The following ZC3H18 variants were observed in gnomAD, a reference collection of about 807,000 sequenced individuals.
ZC3H18 encodes the protein zinc finger CCCH-type containing 18, also known as zinc finger CCCH domain-containing protein 18.
ZC3H18 carries 8 observed loss-of-function variants against 106.1 expected under a neutral mutation model. The observed-to-expected ratio is 0.08, with a 90% CI of 0.04 to 0.14. The LOEUF (loss-of-function observed/expected upper bound fraction) is 0.14. Ranked by LOEUF, ZC3H18 falls within the 10% of genes least tolerant of loss-of-function variation. ZC3H18 has a pLI of 1.00. For synonymous variants in ZC3H18, 635 were observed against 522.1 expected (o/e 1.22, Z -2.95); for missense variants, 1,318 against 1,278.4 (o/e 1.03, Z -0.47).
At chr16:88,577,049 A>G (rs936621) in intron 1 of ZC3H18, 61 bp from the exon 2 acceptor site, 1,337,672 of 1,489,100 alleles carry the variant, frequency 0.9, 602,023 homozygotes, top group Admixed American at 0.94. Context: ...CCAGGAAAGT[A>G]GGGACAAGGT....
chr16:88,578,694 A>G (rs570896280), intron 2 of ZC3H18, among the ~76,000 whole-genome samples: 1 of 151,904 alleles, frequency 6.6e-6, no homozygotes, highest in Non-Finnish European at 1.5e-5. Flanking sequence ...CTTGAATGCC[A>G]TGCTCCTTTT....
chr16:88,572,225 C>T (rs1914452245), intron 1 of ZC3H18, among the ~76,000 whole-genome samples: 1 of 152,260 alleles, frequency 6.6e-6, no homozygotes, highest in Non-Finnish European at 1.5e-5. Flanking sequence ...CCCAAACGCT[C>T]TGCATTTCAG....
intron 3 of ZC3H18, among the ~76,000 whole-genome samples, chr16:88,595,271 A>C (rs543459802): frequency 1.3e-5 from 2 of 152,264 alleles, no homozygotes; most frequent in South Asian, 4.1e-4. Flanking sequence ...TCAGCAGTGG[A>C]GGGGCCGCCT....
At chr16:88,613,248 C>G (rs986412614) in intron 8 of ZC3H18, among the ~76,000 whole-genome samples, 1 of 152,232 alleles carries the variant, frequency 6.6e-6, no homozygotes, top group Non-Finnish European at 1.5e-5. Context: ...TTGCATTTCT[C>G]TGTTCGTCTG....
chr16:88,592,191 GT>G (rs929692815), intron 3 of ZC3H18, among the ~76,000 whole-genome samples: 4 of 151,596 alleles, frequency 2.6e-5, no homozygotes, highest in Admixed American at 2.6e-4. Flanking sequence ...TCTGTTCTCT[GT>G]TTTTTTTTGA....
chr16:88,613,960 G>A (rs765098409), intron 8 of ZC3H18, among the ~76,000 whole-genome samples: 19 of 152,234 alleles, frequency 1.2e-4, no homozygotes, highest in Non-Finnish European at 2.4e-4. Context: ...ATGAGAGCAT[G>A]AACGTTGCTC....
rs530203060 is a variant in ZC3H18, at chr16:88,623,161, G to A, written c.1668-58G>A. 2.6e-5 allele frequency: 42 copies of A among 1,586,014 alleles called. 2 individuals carry two copies. The highest frequency in any genetic ancestry group is 1.9e-4 in the African/African-American group (14 of 74,420). On this transcript the variant is annotated intron_variant, in intron 9 of 17. Transcript: ENST00000301011. ...TAGCTGTGCATGTGTGCGTCAGGGC[G>A]TGTGGGGCAGGGAGGGCCCTTCTCA... is the stretch of plus-strand genomic sequence containing the variant.
At chr16:88,572,688 C>T (rs188048884) in intron 1 of ZC3H18, among the ~76,000 whole-genome samples, 1 of 152,038 alleles carries the variant, frequency 6.6e-6, no homozygotes, top group Non-Finnish European at 1.5e-5. Flanking sequence ...TGAGACTCTT[C>T]TACTGACACC....
intron 15 of ZC3H18, 84 bp downstream of exon 15, chr16:88,628,203 A>C: frequency 6.6e-7 from 1 of 1,512,392 alleles, no homozygotes. Flanking sequence ...CTCCTGGGGG[A>C]CGGAGCCTGA....
At position 88,586,703 on chromosome 16, in the gene ZC3H18, GGCCTTCTCGCAGCCA is replaced by G. The variant is rs770214004; in HGVS notation, c.688+22_688+36del. ...ATGAAAGGTAATTGTCTGCGTGTGA[GGCCTTCTCGCAGCCA>G]GCTGGGGCCCCACCTTCTGGGGCTG... On this transcript the variant is annotated intron_variant, in intron 3 of 17. Coordinates refer to ENST00000301011, the MANE Select transcript of ZC3H18 (RefSeq NM_144604.4). The G allele has an allele frequency of 6.2e-7, 1 of 1,611,908 alleles. No homozygotes were observed. The highest frequency in any genetic ancestry group is 8.5e-7 in the Non-Finnish European group (1 of 1,178,140).
At chr16:88,580,250 G>T (rs1248988232) in intron 2 of ZC3H18, among the ~76,000 whole-genome samples, 4 of 149,034 alleles carry the variant, frequency 2.7e-5, no homozygotes, top group South Asian at 2.2e-4. Context: ...CTATTCCCAA[G>T]AACATGTTTC....
rs1271071284 is a variant in ZC3H18, at chr16:88,587,683, TCTC to T, written c.688+1002_688+1004del. 8 of 1,397,840 alleles carry T rather than the reference TCTC, an allele frequency of 5.7e-6. No individual in the cohort carries two copies. In the East Asian group the frequency reaches 1.7e-4, roughly 30 times the overall value. The allele number at this position is 1,397,840 out of a possible 1,614,324, so 86.6% of individuals were successfully genotyped here. On this transcript the variant is annotated intron_variant, in intron 3 of 17. Coordinates refer to ENST00000301011, the MANE Select transcript of ZC3H18 (RefSeq NM_144604.4). ...CCCTACTCCAGAGGCCAGACTTCCT[TCTC>T]CTGGATCCAGAACACAGCTGTGAAG...
intron 8 of ZC3H18, 113 bp from the exon 9 acceptor site, chr16:88,622,084 G>T: frequency 3.9e-6 from 5 of 1,272,278 alleles, no homozygotes; most frequent in Non-Finnish European, 5.3e-6. Context: ...TTTCTCAGGT[G>T]ATCCTTAAAT....
chr16:88,576,268 C>T (rs1000862740), intron 1 of ZC3H18, among the ~76,000 whole-genome samples: 1 of 152,052 alleles, frequency 6.6e-6, no homozygotes, highest in African/African-American at 2.4e-5. Context: ...TCTCGAACTG[C>T]TGGGCTCAAA....
chr16:88,619,097 A>G (rs1905799700), intron 8 of ZC3H18, among the ~76,000 whole-genome samples: 1 of 152,182 alleles, frequency 6.6e-6, no homozygotes, highest in Non-Finnish European at 1.5e-5. Context: ...GTAGAAAGCC[A>G]GTGCTCAGCC....
At chr16:88,617,978 G>C (rs1336863944) in intron 8 of ZC3H18, among the ~76,000 whole-genome samples, 1 of 152,256 alleles carries the variant, frequency 6.6e-6, no homozygotes, top group Non-Finnish European at 1.5e-5. Context: ...GAAAGGTTAA[G>C]AAACCCTATT....
chr16:88,590,556 C>CT (rs1915684721), intron 3 of ZC3H18, among the ~76,000 whole-genome samples: 1 of 43,266 alleles, frequency 2.3e-5, no homozygotes, highest in Non-Finnish European at 5.0e-5. Context: ...CTTTGGGTTT[C>CT]TTTATTTCTT....
intron 8 of ZC3H18, among the ~76,000 whole-genome samples, chr16:88,612,132 C>T (rs1019321444): frequency 1.3e-5 from 2 of 152,280 alleles, no homozygotes; most frequent in Admixed American, 6.5e-5. Context: ...GACAGGCAGG[C>T]GCTGGGGCTC....
In ZC3H18 at chr16:88,577,386, T is replaced by G. The variant is rs748676267; in HGVS notation, c.263T>G (p.Leu88Arg). 1 of 1,596,466 alleles carries G rather than the reference T, an allele frequency of 6.3e-7. No individual in the cohort carries two copies. Among genetic ancestry groups the G allele is most frequent in the Admixed American group, 1.7e-5 (1 of 58,528 alleles). The stretch of plus-strand genomic sequence containing the variant: ...GACCAGGACTCAGAGGTGAATGAGC[T>G]GAGCCGGGGCCCGACCAGCTCCCCC... Reference protein sequence around the residue: ...SQDQDSEVNELSRGPTSSPCE... With the variant: ...SQDQDSEVNERSRGPTSSPCE... The change falls in exon 2 of 18, where the codon CTG becomes CGG. Residue 88 changes from leucine to arginine, a missense_variant. By Grantham distance (102) the Leu-to-Arg change is moderately radical. Around this residue, in one of 6 missense-constraint regions of ZC3H18, gnomAD observed 346 missense variants for 269.0 expected, o/e 1.29. Transcript: ENST00000301011.
Sources: gnomAD v4.1 joint callset for allele counts (sites outside exome capture counted in the v4.1 genomes callset) on GRCh38, gnomAD v4.1.1 for gene constraint, gnomAD v4.1.1 regional missense constraint, MANE v1.5 for transcripts, NCBI Gene and HGNC (gene_info 2026-07-23, HGNC 2026-07-21) for gene names.